The following PRR16 variants were observed in gnomAD, a reference collection of about 807,000 sequenced individuals.
The protein encoded by PRR16 is proline rich 16.
In PRR16, 6 loss-of-function variants were observed where a neutral mutation model predicts 18.2. That is an observed-to-expected ratio of 0.33 (90% CI 0.18 to 0.65). The LOEUF (loss-of-function observed/expected upper bound fraction) is 0.65. Among genes scored for constraint, PRR16 ranks in the 30% least tolerant of loss-of-function variants. The pLI is 0.74. For synonymous variants in PRR16, 151 were observed against 147.8 expected, an observed-to-expected ratio of 1.02 and a Z score of -0.16; for missense variants, 412 against 376.6, an observed-to-expected ratio of 1.09 and a Z score of -0.78.
chr5:120,472,440 C>G (rs1749300202), intron 1 of PRR16, among the ~76,000 whole-genome samples: 2 of 152,094 alleles, frequency 1.3e-5, no homozygotes, highest in Non-Finnish European at 2.9e-5. Flanking sequence ...CTCCCTCCCC[C>G]CATATCACAA....
intron 1 of PRR16, among the ~76,000 whole-genome samples, chr5:120,496,562 C>T: frequency 6.6e-6 from 1 of 151,772 alleles, no homozygotes; most frequent in South Asian, 2.1e-4. Context: ...TTCCCAGTTT[C>T]ATTCATAGTA....
intron 1 of PRR16, among the ~76,000 whole-genome samples, chr5:120,645,754 A>G (rs1206471744): frequency 6.6e-6 from 1 of 151,980 alleles, no homozygotes; most frequent in Non-Finnish European, 1.5e-5. Flanking sequence ...CCGTCATGTC[A>G]TCCTTGGTTT....
chr5:120,593,019 T>A lies in PRR16; in HGVS notation c.160-92935T>A, dbSNP rs142204802. On this transcript the variant is annotated intron_variant, in intron 1 of 1. Transcript: ENST00000407149. ...ATCTCGGTCACAGCTAAGGCAGTGT[T>A]AAGAGGGAAATTTATAGTCCTAAAT... Among the ~76,000 whole-genome samples, 222 of 152,180 alleles carry A rather than the reference T, an allele frequency of 1.5e-3. 2 individuals are homozygous for A. The highest frequency in any genetic ancestry group is 5.1e-3 in the African/African-American group (211 of 41,556).
intron 1 of PRR16, among the ~76,000 whole-genome samples, chr5:120,524,714 A>C (rs768578478): frequency 6.6e-6 from 1 of 152,130 alleles, no homozygotes; most frequent in African/African-American, 2.4e-5. Context: ...GAAGGGATAA[A>C]TGCTTGAGGT....
chr5:120,527,539 C>T (rs972408965), intron 1 of PRR16, among the ~76,000 whole-genome samples: 8 of 152,140 alleles, frequency 5.3e-5, no homozygotes, highest in Non-Finnish European at 5.9e-5. Flanking sequence ...GTTTAAGTAG[C>T]CTCAGGCTAA....
the PRR16 span, among the ~76,000 whole-genome samples, chr5:120,745,733 C>T: frequency 6.6e-6 from 1 of 151,720 alleles, no homozygotes; most frequent in Non-Finnish European, 1.5e-5. Flanking sequence ...GAGTCTCACT[C>T]TGTCACCAAG....
At chr5:120,469,644 A>G (rs1490743117) in intron 1 of PRR16, among the ~76,000 whole-genome samples, 1 of 152,122 alleles carries the variant, frequency 6.6e-6, no homozygotes, top group Non-Finnish European at 1.5e-5. Context: ...GTATTTTCCA[A>G]GTTCTAAAGT....
the PRR16 span, among the ~76,000 whole-genome samples, chr5:120,773,406 G>A: frequency 6.6e-6 from 1 of 152,114 alleles, no homozygotes; most frequent in Non-Finnish European, 1.5e-5. Context: ...TAAAATGGCA[G>A]CCAGAGCTAC....
rs561502548 is a variant in PRR16, at chr5:120,591,641, G to T, written c.160-94313G>T. 6.6e-5 allele frequency among the ~76,000 whole-genome samples: 10 copies of T among 152,024 alleles called. No individual in the cohort carries two copies. In the South Asian group the frequency reaches 2.1e-3, roughly 32 times the overall value. On this transcript the variant is annotated intron_variant, in intron 1 of 1. Transcript: ENST00000407149. ...AGAAACAAACATAATTCTTATGTTA[G>T]TTTATTTTATTTTTTCTGAATTATT... is the stretch of plus-strand genomic sequence containing the variant.
At chr5:120,596,073 C>G (rs944363121) in intron 1 of PRR16, among the ~76,000 whole-genome samples, 3 of 151,174 alleles carry the variant, frequency 2.0e-5, no homozygotes, top group Non-Finnish European at 3.0e-5. Context: ...ACAATTTTAT[C>G]TCTGTGTCTC....
chr5:120,713,350 C>G, the PRR16 span, among the ~76,000 whole-genome samples: 2,720 of 152,212 alleles, frequency 0.018, 52 homozygotes, highest in Non-Finnish European at 0.026. Context: ...AGGCTCTTAA[C>G]TTTCCTTTCA....
chr5:120,714,746 C>T, the PRR16 span, among the ~76,000 whole-genome samples: 1 of 152,026 alleles, frequency 6.6e-6, no homozygotes, highest in Non-Finnish European at 1.5e-5. Flanking sequence ...ACTCAAAGGC[C>T]CATCAATGAT....
At chr5:120,521,405 G>T (rs1751175637) in intron 1 of PRR16, among the ~76,000 whole-genome samples, 1 of 151,812 alleles carries the variant, frequency 6.6e-6, no homozygotes, top group South Asian at 2.1e-4. Flanking sequence ...GGTTCTAATG[G>T]GATATGTGTA....
At chr5:120,483,311 C>T (rs1449777745) in intron 1 of PRR16, among the ~76,000 whole-genome samples, 1 of 152,092 alleles carries the variant, frequency 6.6e-6, no homozygotes, top group African/African-American at 2.4e-5. Flanking sequence ...ATAAAGCCTT[C>T]TTATAAATCT....
At chr5:120,604,581 C>A (rs1174794071) in intron 1 of PRR16, among the ~76,000 whole-genome samples, 1 of 152,074 alleles carries the variant, frequency 6.6e-6, no homozygotes, top group Non-Finnish European at 1.5e-5. Flanking sequence ...GGATTTGAAC[C>A]TGTCATCATG....
chr5:120,510,083 A>G (rs1750783019), intron 1 of PRR16, among the ~76,000 whole-genome samples: 1 of 152,180 alleles, frequency 6.6e-6, no homozygotes, highest in South Asian at 2.1e-4. Flanking sequence ...TTAGGTTAGA[A>G]TGCACAAAAC....
At chr5:120,759,609 G>C in the PRR16 span, among the ~76,000 whole-genome samples, 448 of 152,186 alleles carry the variant, frequency 2.9e-3, 1 homozygote, top group African/African-American at 0.01. Flanking sequence ...TGGTGGACTT[G>C]TAACATTATG....
chr5:120,700,722 A>G, the PRR16 span, among the ~76,000 whole-genome samples: 2,452 of 152,062 alleles, frequency 0.016, 66 homozygotes, highest in African/African-American at 0.054. Context: ...TTGAAAAGAA[A>G]GTAATGTGGA....
chr5:120,711,344 A>T, the PRR16 span, among the ~76,000 whole-genome samples: 1 of 152,056 alleles, frequency 6.6e-6, no homozygotes, highest in African/African-American at 2.4e-5. Context: ...CAGATTATAG[A>T]CTCAGTGTAG....
Sources: allele counts gnomAD v4.1 joint callset (sites outside exome capture counted in the v4.1 genomes callset), GRCh38; gene constraint gnomAD v4.1.1; transcripts MANE v1.5; gene names NCBI Gene and HGNC (gene_info 2026-07-23, HGNC 2026-07-21).